Variants in PDZK1IP1 observed in about 807,000 individuals in gnomAD.
The protein encoded by PDZK1IP1 is PDZK1-interacting protein 1.
In PDZK1IP1, 9 loss-of-function variants were observed where a neutral mutation model predicts 14.7. The observed-to-expected ratio is 0.61, with a 90% CI of 0.37 to 1.07. PDZK1IP1 has a LOEUF of 1.07. PDZK1IP1 is among the 50% of genes least tolerant of loss of function. The pLI is 0.01. For missense variants in PDZK1IP1, 152 were observed against 148.7 expected (o/e 1.02, Z -0.11); for synonymous variants, 70 against 61.2 (o/e 1.14, Z -0.67).
intron 2 of PDZK1IP1, 121 bp downstream of exon 2, chr1:47,187,198 C>CA: frequency 8.3e-6 from 6 of 727,128 alleles, no homozygotes; most frequent in Non-Finnish European, 1.4e-5. Flanking sequence ...GTTTCCCTTC[C>CA]CTTGAGCCTC....
rs1034367167 is a variant in PDZK1IP1, at chr1:47,187,214, G to A, written c.176+105C>T. 6.1e-5 allele frequency: 44 copies of A among 726,090 alleles called. 1 individual carries two copies. The highest frequency in any genetic ancestry group is 9.8e-5 in the Non-Finnish European group (41 of 416,720). The allele number at this position is 726,090 out of a possible 1,614,324, so 45.0% of individuals were successfully genotyped here. A position where few individuals can be genotyped will look rare whatever the true frequency, so the allele number is the denominator to read the frequency against. ...TTTCCCTTCCCTTGAGCCTCAGGGGGAGGATTGGACACAGGGTTTCTGAGG... is the reference window on the plus strand; with the variant it reads ...TTTCCCTTCCCTTGAGCCTCAGGGGAAGGATTGGACACAGGGTTTCTGAGG... On this transcript the variant is annotated intron_variant, in intron 2 of 3. Coordinates refer to ENST00000294338, the MANE Select transcript of PDZK1IP1 (RefSeq NM_005764.4).
At chr1:47,185,994 T>C (rs973906047) in intron 2 of PDZK1IP1, among the ~76,000 whole-genome samples, 3 of 152,138 alleles carry the variant, frequency 2.0e-5, no homozygotes, top group African/African-American at 7.2e-5. Context: ...AGGCCGTGTC[T>C]CATCCCGAAA....
Position 47,183,860 on chromosome 1 carries a change from G to A in PDZK1IP1, c.*111C>T. On this transcript the variant is annotated 3_prime_UTR_variant, in exon 4 of 4. Coordinates refer to ENST00000294338, the MANE Select transcript of PDZK1IP1 (RefSeq NM_005764.4). ...GGTAGGGCCGGCATGGGGCTGGAGG[G>A]AGTCAGCCCACTATTGCAGATTCCA... The A allele has an allele frequency of 3.3e-6, 3 of 904,350 alleles. No individual in the cohort carries two copies. Among genetic ancestry groups the A allele is most frequent in the Non-Finnish European group, 5.3e-6 (3 of 568,634 alleles). 56.0% of individuals were successfully genotyped at this position (904,350 alleles called of 1,614,324 possible). A position where few individuals can be genotyped will look rare whatever the true frequency, so the allele number is the denominator to read the frequency against.
intron 1 of PDZK1IP1, 96 bp from the exon 2 acceptor site, chr1:47,187,523 CT>C: frequency 2.1e-6 from 2 of 947,976 alleles, no homozygotes; most frequent in Non-Finnish European, 3.3e-6. Context: ...CCCACCTATG[CT>C]GAAGGCCCTC....
intron 1 of PDZK1IP1, among the ~76,000 whole-genome samples, chr1:47,187,706 A>G (rs1645329106): frequency 6.6e-6 from 1 of 152,184 alleles, no homozygotes; most frequent in Non-Finnish European, 1.5e-5. Flanking sequence ...CAAGGAGGGA[A>G]GAGCCTCAGT....
chr1:47,187,202 GAGC>G (rs755067910), intron 2 of PDZK1IP1, 114 bp downstream of exon 2: 4,661 of 90,236 alleles, frequency 0.052, 58 homozygotes, highest in Non-Finnish European at 0.1. Context: ...CCCTTCCCTT[GAGC>G]CTCAGGGGGA....
intron 1 of PDZK1IP1, among the ~76,000 whole-genome samples, chr1:47,189,451 T>C (rs1170535128): frequency 2.0e-5 from 3 of 152,030 alleles, no homozygotes; most frequent in African/African-American, 7.2e-5. Flanking sequence ...GACGAAGAGG[T>C]CAGATATTTG....
At position 47,188,588 on chromosome 1, in the gene PDZK1IP1, C is replaced by A. The variant is rs961433716; in HGVS notation, c.68-1161G>T. Among the ~76,000 whole-genome samples, 8 of 152,316 alleles carry A rather than the reference C, an allele frequency of 5.3e-5. No homozygotes were observed. The East Asian group carries it at 1.5e-3, about 29-fold the overall frequency. On this transcript the variant is annotated intron_variant, in intron 1 of 3. Coordinates refer to ENST00000294338, the MANE Select transcript of PDZK1IP1 (RefSeq NM_005764.4). ...GGACCCAAGCTGGACATGAGAAAACCTTCCTCTGGCTCACTCCTGCTCAAA... is the reference window on the plus strand; with the variant it reads ...GGACCCAAGCTGGACATGAGAAAACATTCCTCTGGCTCACTCCTGCTCAAA...
At chr1:47,184,513 A>AGC (rs1557660516) in intron 3 of PDZK1IP1, among the ~76,000 whole-genome samples, 7 of 10,418 alleles carry the variant, frequency 6.7e-4, no homozygotes, top group East Asian at 2.7e-3. Flanking sequence ...CCCCCACTGA[A>AGC]TCCATCCCCC....
intron 1 of PDZK1IP1, 79 bp downstream of exon 1, chr1:47,189,785 TCA>T: frequency 1.9e-6 from 2 of 1,062,204 alleles, no homozygotes; most frequent in East Asian, 2.6e-5. Flanking sequence ...ACTGTAAGTA[TCA>T]AGGCCCTGGG....
At chr1:47,184,937 A>G (rs1645309699) in intron 3 of PDZK1IP1, 65 bp downstream of exon 3, 4 of 1,303,768 alleles carry the variant, frequency 3.1e-6, no homozygotes, top group Non-Finnish European at 3.3e-6. Flanking sequence ...CCCCAGCAGC[A>G]CCTGTCTTGA....
chr1:47,185,539 C>T (rs1645314063), intron 2 of PDZK1IP1, among the ~76,000 whole-genome samples: 1 of 152,120 alleles, frequency 6.6e-6, no homozygotes, highest in Admixed American at 6.5e-5. Context: ...AGTTTAAACC[C>T]CCTGCAGTGT....
intron 3 of PDZK1IP1, among the ~76,000 whole-genome samples, chr1:47,184,513 A>G (rs897905869): frequency 1.3e-3 from 14 of 10,382 alleles, no homozygotes; most frequent in South Asian, 4.8e-3. Context: ...CCCCCACTGA[A>G]TCCATCCCCC....
At chr1:47,188,296 G>A (rs1335267566) in intron 1 of PDZK1IP1, among the ~76,000 whole-genome samples, 1 of 152,186 alleles carries the variant, frequency 6.6e-6, no homozygotes, top group Non-Finnish European at 1.5e-5. Context: ...ATGAGCTACT[G>A]CACCAGGTCC....
intron 3 of PDZK1IP1, among the ~76,000 whole-genome samples, chr1:47,184,778 CCCTA>C (rs1414212476): frequency 6.6e-6 from 1 of 150,914 alleles, no homozygotes; most frequent in Non-Finnish European, 1.5e-5. Context: ...CTACGCTGAA[CCCTA>C]CCCTACCAAG....
chr1:47,185,365 T>C (rs1645312915), intron 2 of PDZK1IP1: 2 of 436,342 alleles, frequency 4.6e-6, no homozygotes, highest in East Asian at 9.4e-5. Flanking sequence ...CAGTTCAGCC[T>C]CCACAGCAGG....
Position 47,189,866 on chromosome 1 carries a change from C to T in PDZK1IP1, c.67G>A (p.Gly23Ser). Reference sequence around the variant, plus strand: ...GCCCAGCCCTCTCCTCCTGAGCTACCTTGCTGACAGCTGGCAGGTGGCACT... The same window carrying T: ...GCCCAGCCCTCTCCTCCTGAGCTACTTTGCTGACAGCTGGCAGGTGGCACT... ...TAVPPASCQQ[G>S]LGNLQPWMQG... Residue 23 changes from glycine to serine, a missense_variant and splice_region_variant, in exon 1 of 4, where the codon GGC becomes AGC. Transcript: ENST00000294338. 1 of 1,594,526 alleles carries T rather than the reference C, an allele frequency of 6.3e-7. No individual in the cohort carries two copies. The highest frequency in any genetic ancestry group is 8.5e-7 in the Non-Finnish European group (1 of 1,177,480).
Position 47,189,943 on chromosome 1 carries a change from G to T in PDZK1IP1, c.-11C>A. 1 of 1,582,778 alleles carries T rather than the reference G, an allele frequency of 6.3e-7. No homozygotes were observed. The highest frequency in any genetic ancestry group is 1.1e-5 in the South Asian group (1 of 87,764). ...GCTGAGGGCCGACATGGCTGCAGCA[G>T]CTCCTAGCCTTGCTTCTGGCCGCCG... On this transcript the variant is annotated 5_prime_UTR_variant, in exon 1 of 4. It adds an upstream start codon to the 5' untranslated region. Coordinates refer to ENST00000294338, the MANE Select transcript of PDZK1IP1 (RefSeq NM_005764.4).
At chr1:47,184,887 C>T in intron 3 of PDZK1IP1, 115 bp downstream of exon 3, 1 of 792,806 alleles carries the variant, frequency 1.3e-6, no homozygotes, top group South Asian at 1.5e-5. Context: ...GCCTCACTAG[C>T]TTTTGCCCAC....
Sources: allele counts gnomAD v4.1 joint callset (sites outside exome capture counted in the v4.1 genomes callset), GRCh38; gene constraint gnomAD v4.1.1; transcripts MANE v1.5; gene names NCBI Gene and HGNC (gene_info 2026-07-23, HGNC 2026-07-21).